Variants in FBXO36 observed in about 807,000 individuals in gnomAD.
FBXO36 encodes F-box only protein 36.
FBXO36 carries 18 observed loss-of-function variants against 17.0 expected under a neutral mutation model. The observed-to-expected ratio is 1.06, with a 90% CI of 0.73 to 1.57. The LOEUF is 1.57. Ranked by LOEUF, FBXO36 falls within the 40% of genes most tolerant of loss-of-function variation. The pLI is 0.00. For missense variants in FBXO36, 229 were observed against 221.9 expected, an observed-to-expected ratio of 1.03 and a Z score of -0.20; for synonymous variants, 83 against 85.3, an observed-to-expected ratio of 0.97 and a Z score of 0.15.
chr2:229,984,810 T>G (rs909420488), intron 2 of FBXO36, among the ~76,000 whole-genome samples: 3 of 152,322 alleles, frequency 2.0e-5, no homozygotes, highest in Non-Finnish European at 2.9e-5. Flanking sequence ...AAATACACAA[T>G]CCTCAATTGA....
chr2:229,962,991 T>C (rs1048402591), intron 1 of FBXO36, among the ~76,000 whole-genome samples: 5 of 152,012 alleles, frequency 3.3e-5, no homozygotes, highest in African/African-American at 1.2e-4. Flanking sequence ...CATTCTTTTT[T>C]AGGGTAGCAC....
rs149825797 is a variant in FBXO36, at chr2:229,948,474, A to G, written c.96+25865A>G. Among the ~76,000 whole-genome samples the G allele has an allele frequency of 2.7e-5, 4 of 149,626 alleles. No homozygotes were observed. In the East Asian group the frequency reaches 6.1e-4, roughly 23 times the overall value. On this transcript the variant is annotated intron_variant, in intron 1 of 3. Coordinates refer to ENST00000283946, the MANE Select transcript of FBXO36 (RefSeq NM_174899.5). ...CCAATATCCATTTTCTCTTTTCCTT[A>G]GTAAACAATTATCTGACTTTTAGCC...
intron 3 of FBXO36, 101 bp from the exon 4 acceptor site, chr2:230,010,595 G>A (rs11675143): frequency 0.23 from 247,450 of 1,083,122 alleles, 30,285 homozygotes; most frequent in South Asian, 0.31. Flanking sequence ...ACCTGTGTCT[G>A]GCACAGGTAG....
intron 1 of FBXO36, among the ~76,000 whole-genome samples, chr2:229,949,604 TG>T (rs1280608326): frequency 2.6e-4 from 39 of 151,988 alleles, no homozygotes; most frequent in African/African-American, 9.4e-4. Flanking sequence ...GAGAAATACT[TG>T]GTAGATGTCT....
intron 1 of FBXO36, among the ~76,000 whole-genome samples, chr2:229,928,083 C>A (rs2076922020): frequency 6.6e-6 from 1 of 152,178 alleles, no homozygotes; most frequent in African/African-American, 2.4e-5. Flanking sequence ...TCCAAAAATG[C>A]TATCACATGT....
At chr2:229,954,084 G>A (rs1006215096) in intron 1 of FBXO36, among the ~76,000 whole-genome samples, 1 of 151,764 alleles carries the variant, frequency 6.6e-6, no homozygotes, top group Non-Finnish European at 1.5e-5. Flanking sequence ...GGCTGCTTTC[G>A]AACTCCTGGC....
chr2:229,935,225 G>A (rs2076958135), intron 1 of FBXO36, among the ~76,000 whole-genome samples: 1 of 152,156 alleles, frequency 6.6e-6, no homozygotes, highest in Non-Finnish European at 1.5e-5. Flanking sequence ...CTGGATTTGT[G>A]CCTATACAAA....
chr2:229,961,629 C>T (rs999729717), intron 1 of FBXO36, among the ~76,000 whole-genome samples: 3 of 152,162 alleles, frequency 2.0e-5, no homozygotes, highest in African/African-American at 2.4e-5. Context: ...CTGCCTCGGC[C>T]TCCCAAAGTG....
intron 1 of FBXO36, among the ~76,000 whole-genome samples, chr2:229,964,086 C>G (rs781517403): frequency 6.6e-6 from 1 of 150,906 alleles, no homozygotes. Flanking sequence ...TGATATTTTT[C>G]TCTCTTTATA....
At chr2:229,972,034 C>T (rs1229244814) in intron 1 of FBXO36, among the ~76,000 whole-genome samples, 2 of 136,244 alleles carry the variant, frequency 1.5e-5, no homozygotes, top group Admixed American at 8.2e-5. Context: ...TTGCTCTTGT[C>T]CCCGGCTGGA....
chr2:229,958,384 C>T (rs1317920119), intron 1 of FBXO36, among the ~76,000 whole-genome samples: 12 of 150,758 alleles, frequency 8.0e-5, no homozygotes, highest in African/African-American at 2.7e-4. Context: ...AATTTTCCTG[C>T]GTCAGCCTCC....
chr2:229,952,479 A>G (rs1433935620), intron 1 of FBXO36, among the ~76,000 whole-genome samples: 6 of 152,220 alleles, frequency 3.9e-5, no homozygotes, highest in Admixed American at 3.9e-4. Context: ...ATGAGGTTAG[A>G]TACTGCTGTT....
chr2:229,961,722 G>A (rs73103585), intron 1 of FBXO36, among the ~76,000 whole-genome samples: 2,934 of 151,972 alleles, frequency 0.019, 68 homozygotes, highest in African/African-American at 0.064. Context: ...CTCTTTCCCC[G>A]AAAAAGGTGA....
rs139542196 is a variant in FBXO36, at chr2:229,947,553, G to A, written c.96+24944G>A. On this transcript the variant is annotated intron_variant, in intron 1 of 3. Transcript: ENST00000283946. ...CCAGCATCTTAGTAAGCAGCCTTTG[G>A]CTGCTGTGTAGAAGATTGCTTGGAT... is the stretch of plus-strand genomic sequence containing the variant. Among the ~76,000 whole-genome samples the A allele has an allele frequency of 2.0e-5, 3 of 152,360 alleles. No individual in the cohort carries two copies. The East Asian group carries it at 5.8e-4, about 29-fold the overall frequency.
At chr2:229,943,268 C>T (rs1224923842) in intron 1 of FBXO36, 1 of 152,254 alleles carries the variant, frequency 6.6e-6, no homozygotes, top group African/African-American at 2.4e-5. Context: ...CTAGGTAAGT[C>T]AATAGGCCTC....
At chr2:229,964,704 A>G (rs979691201) in intron 1 of FBXO36, among the ~76,000 whole-genome samples, 2 of 152,168 alleles carry the variant, frequency 1.3e-5, no homozygotes, top group Non-Finnish European at 2.9e-5. Context: ...TATTTTTAGT[A>G]GAGACAGGGT....
At chr2:229,985,906 G>A (rs1248392506) in intron 2 of FBXO36, among the ~76,000 whole-genome samples, 1 of 151,852 alleles carries the variant, frequency 6.6e-6, no homozygotes, top group Admixed American at 6.6e-5. Context: ...AAATTAGCTG[G>A]GCATGGTGGC....
chr2:229,963,150 C>G (rs1320860459), intron 1 of FBXO36, among the ~76,000 whole-genome samples: 2 of 151,994 alleles, frequency 1.3e-5, no homozygotes, highest in East Asian at 3.9e-4. Context: ...GCTGCAACCT[C>G]CGCCTCCCAG....
At chr2:229,966,407 G>T (rs1435630687) in intron 1 of FBXO36, among the ~76,000 whole-genome samples, 1 of 152,094 alleles carries the variant, frequency 6.6e-6, no homozygotes, top group African/African-American at 2.4e-5. Context: ...GTCAATTTTG[G>T]CTTTTGTTGC....
Sources: allele counts gnomAD v4.1 joint callset (sites outside exome capture counted in the v4.1 genomes callset), GRCh38; gene constraint gnomAD v4.1.1; transcripts MANE v1.5; gene names NCBI Gene and HGNC (gene_info 2026-07-23, HGNC 2026-07-21).